Variants in STYXL1 observed in about 807,000 individuals in gnomAD.
STYXL1 encodes serine/threonine/tyrosine interacting like 1.
In STYXL1, 32 loss-of-function variants were observed where a neutral mutation model predicts 36.4. The ratio of observed to expected loss-of-function variants is 0.88; its 90% CI spans 0.66 to 1.18. The LOEUF is 1.18. Among genes scored for constraint, STYXL1 ranks in the 50% most tolerant of loss-of-function variants. STYXL1 has a pLI of 0.00. For missense variants in STYXL1, 354 were observed against 394.1 expected, an observed-to-expected ratio of 0.90 and a Z score of 0.86; for synonymous variants, 133 against 144.1, an observed-to-expected ratio of 0.92 and a Z score of 0.55.
chr7:76,002,465 T>C (rs1791073994), intron 7 of STYXL1, among the ~76,000 whole-genome samples: 1 of 152,222 alleles, frequency 6.6e-6, no homozygotes, highest in Non-Finnish European at 1.5e-5. Context: ...ATAAAGGAAC[T>C]GAGCATGCAG....
At chr7:76,031,031 C>A (rs1334190687) in intron 1 of STYXL1, among the ~76,000 whole-genome samples, 1 of 151,580 alleles carries the variant, frequency 6.6e-6, no homozygotes, top group Non-Finnish European at 1.5e-5. Flanking sequence ...CATGGTGGTG[C>A]ACATCTATAG....
At chr7:76,043,172 C>T (rs1199894134) in intron 1 of STYXL1, among the ~76,000 whole-genome samples, 5 of 152,118 alleles carry the variant, frequency 3.3e-5, no homozygotes, top group Non-Finnish European at 7.4e-5. Context: ...GATGGAGTCA[C>T]GCTCTGTTGC....
intron 4 of STYXL1, 141 bp downstream of exon 4, chr7:76,021,710 G>A (rs79563224): frequency 5.7e-6 from 4 of 696,398 alleles, no homozygotes; most frequent in African/African-American, 1.8e-5. Flanking sequence ...TGATCATGAA[G>A]CTCTTTTTCT....
At chr7:76,043,043 G>T (rs1796622887) in intron 1 of STYXL1, among the ~76,000 whole-genome samples, 1 of 152,226 alleles carries the variant, frequency 6.6e-6, no homozygotes. Context: ...CCCAGAATTT[G>T]TTGGGGCAAA....
chr7:76,006,490 G>A (rs1196282635), intron 5 of STYXL1, among the ~76,000 whole-genome samples: 1 of 152,046 alleles, frequency 6.6e-6, no homozygotes, highest in Non-Finnish European at 1.5e-5. Context: ...TTTGCCGGGC[G>A]CAGTGGCTCA....
intron 4 of STYXL1, among the ~76,000 whole-genome samples, chr7:76,014,648 T>C (rs1793032766): frequency 6.6e-6 from 1 of 152,048 alleles, no homozygotes; most frequent in Admixed American, 6.6e-5. Flanking sequence ...CAGCCTAAGT[T>C]AATCTTCTTT....
At chr7:76,014,640 G>C (rs1793031142) in intron 4 of STYXL1, among the ~76,000 whole-genome samples, 1 of 151,844 alleles carries the variant, frequency 6.6e-6, no homozygotes, top group Non-Finnish European at 1.5e-5. Context: ...GGTGTGCTCA[G>C]CCTAAGTTAA....
chr7:76,016,090 A>G (rs1381308172), intron 4 of STYXL1, among the ~76,000 whole-genome samples: 1 of 152,086 alleles, frequency 6.6e-6, no homozygotes, highest in Non-Finnish European at 1.5e-5. Flanking sequence ...ATAGATACAC[A>G]TGTATCTACA....
intron 1 of STYXL1, among the ~76,000 whole-genome samples, chr7:76,043,527 C>A (rs2116525152): frequency 6.6e-6 from 1 of 151,494 alleles, no homozygotes; most frequent in South Asian, 2.1e-4. Context: ...TTCCAGAAGC[C>A]AGGGGCTGAG....
chr7:76,017,895 AAAAAAG>A (rs1225571380), intron 4 of STYXL1, among the ~76,000 whole-genome samples: 15 of 147,488 alleles, frequency 1.0e-4, no homozygotes, highest in African/African-American at 3.2e-4. Flanking sequence ...AAGACAGAAG[AAAAAAG>A]AAAAACTACC....
At chr7:76,006,915 G>C (rs1355041632) in intron 5 of STYXL1, among the ~76,000 whole-genome samples, 1 of 152,152 alleles carries the variant, frequency 6.6e-6, no homozygotes, top group East Asian at 1.9e-4. Context: ...GGGTTCAGGG[G>C]TTCAGATAAC....
chr7:76,008,551 C>T (rs1792119806), intron 5 of STYXL1, among the ~76,000 whole-genome samples: 1 of 152,176 alleles, frequency 6.6e-6, no homozygotes, highest in Non-Finnish European at 1.5e-5. Context: ...AGAACAGACA[C>T]CAAGCTGAGC....
At chr7:76,035,163 A>G (rs1373139770) in intron 1 of STYXL1, among the ~76,000 whole-genome samples, 7 of 141,696 alleles carry the variant, frequency 4.9e-5, no homozygotes, top group Non-Finnish European at 1.1e-4. Context: ...TTCCAAGTCC[A>G]TCCACTTCTC....
chr7:76,012,137 T>TA (rs1484452451), intron 5 of STYXL1, among the ~76,000 whole-genome samples: 1 of 152,142 alleles, frequency 6.6e-6, no homozygotes, highest in Admixed American at 6.6e-5. Context: ...CTGTCTCTAC[T>TA]AAAAAAGAAT....
chr7:76,008,373 A>T (rs1792089997), intron 5 of STYXL1, among the ~76,000 whole-genome samples: 1 of 152,118 alleles, frequency 6.6e-6, no homozygotes, highest in Non-Finnish European at 1.5e-5. Flanking sequence ...CAGTTCCAAA[A>T]GTCCCCTGGC....
At chr7:76,022,376 C>T (rs1277295485) in intron 3 of STYXL1, among the ~76,000 whole-genome samples, 3 of 151,940 alleles carry the variant, frequency 2.0e-5, no homozygotes, top group Non-Finnish European at 2.9e-5. Context: ...CCAGAAATAC[C>T]AGACTGGATG....
intron 8 of STYXL1, among the ~76,000 whole-genome samples, chr7:76,000,218 CAAAAAAAAAAAAAA>C (rs35153306): frequency 6.3e-4 from 44 of 69,436 alleles, no homozygotes; most frequent in African/African-American, 8.8e-4. Context: ...GACTCCATCT[CAAAAAAAAAAAAAA>C]AAAAAAAAAA....
At chr7:76,045,014 AC>A (rs1796815741) in intron 1 of STYXL1, 2 of 152,198 alleles carry the variant, frequency 1.3e-5, no homozygotes, top group African/African-American at 4.8e-5. Context: ...TATATGGACA[AC>A]TCAGCATAAC....
At chr7:76,042,593 A>G (rs1796586470) in intron 1 of STYXL1, among the ~76,000 whole-genome samples, 1 of 151,032 alleles carries the variant, frequency 6.6e-6, no homozygotes, top group South Asian at 2.1e-4. Context: ...TTTTTAGTAG[A>G]GACGGGGTTT....
Sources: allele counts gnomAD v4.1 joint callset (sites outside exome capture counted in the v4.1 genomes callset), GRCh38; gene constraint gnomAD v4.1.1; transcripts MANE v1.5; gene names NCBI Gene and HGNC (gene_info 2026-07-23, HGNC 2026-07-21).